The following CDH12 variants were observed in gnomAD, a reference collection of about 807,000 sequenced individuals.
The protein encoded by CDH12 is cadherin 12, also known as cadherin-12.
Under a neutral mutation model 74.1 loss-of-function variants are expected in CDH12, and 41 were observed. The observed-to-expected ratio is 0.55, with a 90% confidence interval of 0.43 to 0.72. CDH12 has a LOEUF of 0.72. Ranked by LOEUF, CDH12 falls within the 30% of genes least tolerant of loss-of-function variation. CDH12 has a pLI of 0.00. For synonymous variants in CDH12, 399 were observed against 355.0 expected, an observed-to-expected ratio of 1.12 and a Z score of -1.39; for missense variants, 945 against 977.2, an observed-to-expected ratio of 0.97 and a Z score of 0.44.
chr5:22,362,101 C>G (rs372209050), intron 3 of CDH12, among the ~76,000 whole-genome samples: 153 of 152,172 alleles, frequency 1.0e-3, no homozygotes, highest in Middle Eastern at 3.4e-3. Context: ...AAACTAAAGA[C>G]CTTCTGCACA....
intron 1 of CDH12, among the ~76,000 whole-genome samples, chr5:22,657,056 A>G (rs184530807): frequency 1.3e-5 from 2 of 152,260 alleles, no homozygotes; most frequent in East Asian, 1.9e-4. Context: ...CCACATTTTT[A>G]TATTCAGAAA....
chr5:22,464,960 C>T (rs969642193), intron 2 of CDH12, among the ~76,000 whole-genome samples: 2 of 143,716 alleles, frequency 1.4e-5, no homozygotes, highest in Non-Finnish European at 3.0e-5. Context: ...CGAGATTGCA[C>T]CAGAAAGTCC....
At chr5:22,825,835 G>A (rs1423702914) in intron 1 of CDH12, among the ~76,000 whole-genome samples, 1 of 152,132 alleles carries the variant, frequency 6.6e-6, no homozygotes, top group African/African-American at 2.4e-5. Flanking sequence ...TGGTGGCAAA[G>A]GGCAGAAGGG....
chr5:22,211,463 T>C (rs1411986303), intron 4 of CDH12, among the ~76,000 whole-genome samples: 1 of 152,148 alleles, frequency 6.6e-6, no homozygotes, highest in Non-Finnish European at 1.5e-5. Flanking sequence ...ATTATAGTGA[T>C]ATAATTATTT....
At chr5:22,595,048 T>C (rs1225899079) in intron 1 of CDH12, among the ~76,000 whole-genome samples, 1 of 152,196 alleles carries the variant, frequency 6.6e-6, no homozygotes, top group East Asian at 1.9e-4. Context: ...TTTTAACTGA[T>C]GCTCAAACTC....
intron 6 of CDH12, among the ~76,000 whole-genome samples, chr5:21,937,058 T>G (rs1294589895): frequency 1.3e-5 from 2 of 152,156 alleles, no homozygotes; most frequent in Admixed American, 1.3e-4. Flanking sequence ...CTTAAGAAAT[T>G]GTGGTAATCA....
chr5:22,097,833 T>C (rs908138284), intron 4 of CDH12, among the ~76,000 whole-genome samples: 1 of 152,028 alleles, frequency 6.6e-6, no homozygotes, highest in Non-Finnish European at 1.5e-5. Flanking sequence ...CAACATCCCA[T>C]CCCACAGCAC....
At chr5:22,672,754 A>G (rs1740970794) in intron 1 of CDH12, among the ~76,000 whole-genome samples, 1 of 152,218 alleles carries the variant, frequency 6.6e-6, no homozygotes, top group African/African-American at 2.4e-5. Flanking sequence ...ATGAGAATGG[A>G]AATGATCCAA....
chr5:22,427,743 A>T (rs1375232510), intron 2 of CDH12, among the ~76,000 whole-genome samples: 1 of 152,186 alleles, frequency 6.6e-6, no homozygotes, highest in Non-Finnish European at 1.5e-5. Context: ...CATTACAATA[A>T]GCAGGAATGG....
chr5:22,369,178 T>C (rs1383862251), intron 3 of CDH12, among the ~76,000 whole-genome samples: 1 of 152,012 alleles, frequency 6.6e-6, no homozygotes, highest in Non-Finnish European at 1.5e-5. Context: ...TAAAAACATC[T>C]TTTGAAATTT....
chr5:22,520,720 G>A (rs768620265), intron 1 of CDH12, among the ~76,000 whole-genome samples: 1 of 152,092 alleles, frequency 6.6e-6, no homozygotes, highest in Non-Finnish European at 1.5e-5. Context: ...GTTATATAAA[G>A]CAAACAGGAC....
intron 5 of CDH12, among the ~76,000 whole-genome samples, chr5:22,050,114 T>C (rs1469638601): frequency 3.3e-5 from 5 of 152,070 alleles, no homozygotes; most frequent in African/African-American, 1.2e-4. Flanking sequence ...TAGAGTTTCC[T>C]CAAAAGTCCA....
At chr5:22,538,478 G>A (rs746732171) in intron 1 of CDH12, among the ~76,000 whole-genome samples, 2 of 152,110 alleles carry the variant, frequency 1.3e-5, no homozygotes, top group Non-Finnish European at 2.9e-5. Context: ...TTTATGCATT[G>A]TGAGATCTTT....
At chr5:22,750,483 T>A (rs1463633999) in intron 1 of CDH12, among the ~76,000 whole-genome samples, 2 of 152,058 alleles carry the variant, frequency 1.3e-5, no homozygotes, top group African/African-American at 4.8e-5. Flanking sequence ...AATAATATTA[T>A]CATTATGGTA....
At chr5:22,504,214 T>C (rs1183295880) in intron 2 of CDH12, among the ~76,000 whole-genome samples, 1 of 151,948 alleles carries the variant, frequency 6.6e-6, no homozygotes, top group African/African-American at 2.4e-5. Flanking sequence ...TATTAAATGG[T>C]TCATTCTATT....
At chr5:21,847,579 A>G (rs1014108508) in intron 7 of CDH12, among the ~76,000 whole-genome samples, 1 of 151,692 alleles carries the variant, frequency 6.6e-6, no homozygotes, top group African/African-American at 2.4e-5. Flanking sequence ...TCTTTTTCTG[A>G]CTCTGACCCT....
At chr5:22,630,150 T>C (rs113781392) in intron 1 of CDH12, among the ~76,000 whole-genome samples, 9,987 of 152,048 alleles carry the variant, frequency 0.066, 434 homozygotes, top group East Asian at 0.24. Flanking sequence ...CATGGATAGG[T>C]AGAAGCAATA....
chr5:22,784,608 G>A (rs1203940622), intron 1 of CDH12, among the ~76,000 whole-genome samples: 4 of 152,038 alleles, frequency 2.6e-5, no homozygotes, highest in Non-Finnish European at 5.9e-5. Flanking sequence ...TTACTTGGAT[G>A]GCAAACTCAT....
intron 3 of CDH12, among the ~76,000 whole-genome samples, chr5:22,322,580 C>T (rs1293265191): frequency 2.0e-5 from 3 of 152,126 alleles, no homozygotes; most frequent in African/African-American, 7.2e-5. Context: ...CTCTGAGACA[C>T]TCATACACAT....
Sources: allele counts gnomAD v4.1 joint callset (sites outside exome capture counted in the v4.1 genomes callset), GRCh38; gene constraint gnomAD v4.1.1; transcripts MANE v1.5; gene names NCBI Gene and HGNC (gene_info 2026-07-23, HGNC 2026-07-21).